The following DLG2 variants were observed in gnomAD, a reference collection of about 807,000 sequenced individuals.
DLG2 encodes the protein disks large homolog 2.
In DLG2, 45 loss-of-function variants were observed where a neutral mutation model predicts 132.5. The observed-to-expected ratio is 0.34, with a 90% CI of 0.27 to 0.44. The LOEUF (loss-of-function observed/expected upper bound fraction) is 0.44. Among genes scored for constraint, DLG2 ranks in the 20% least tolerant of loss-of-function variants. DLG2 has a pLI of 1.00. For missense variants in DLG2, 1,045 were observed against 1,196.9 expected (o/e 0.87, Z 1.87); for synonymous variants, 424 against 419.6 (o/e 1.01, Z -0.13).
chr11:85,512,682 C>A (rs2094101036), intron 3 of DLG2, among the ~76,000 whole-genome samples: 1 of 151,746 alleles, frequency 6.6e-6, no homozygotes, highest in Admixed American at 6.6e-5. Context: ...AATAAAAAGT[C>A]AAAAAATAAC....
intron 3 of DLG2, among the ~76,000 whole-genome samples, chr11:85,481,929 T>C (rs1376541621): frequency 1.3e-5 from 2 of 152,048 alleles, no homozygotes; most frequent in Non-Finnish European, 2.9e-5. Flanking sequence ...CAACACTATA[T>C]AGGATCCTGC....
intron 6 of DLG2, among the ~76,000 whole-genome samples, chr11:85,107,143 T>C (rs1488221268): frequency 6.6e-6 from 1 of 152,010 alleles, no homozygotes; most frequent in African/African-American, 2.4e-5. Context: ...TAGTATTATA[T>C]AGTGATAGAA....
At chr11:84,882,880 A>C (rs994844272) in intron 6 of DLG2, among the ~76,000 whole-genome samples, 1 of 152,096 alleles carries the variant, frequency 6.6e-6, no homozygotes, top group Non-Finnish European at 1.5e-5. Context: ...AGGATGACTA[A>C]ATCCACACTC....
chr11:84,020,847 T>C (rs1490638745), intron 11 of DLG2, among the ~76,000 whole-genome samples: 1 of 152,172 alleles, frequency 6.6e-6, no homozygotes, highest in Non-Finnish European at 1.5e-5. Flanking sequence ...CTTTCGGTTA[T>C]AAAATTTTCA....
intron 3 of DLG2, among the ~76,000 whole-genome samples, chr11:85,502,782 C>T (rs1039813120): frequency 1.3e-5 from 2 of 152,180 alleles, no homozygotes; most frequent in Admixed American, 6.5e-5. Context: ...CAAACCCGCA[C>T]ATTCTGCACA....
intron 18 of DLG2, chr11:83,682,344 A>C (rs1297942353): frequency 1.0e-6 from 1 of 985,238 alleles, no homozygotes; most frequent in Non-Finnish European, 1.2e-6. Flanking sequence ...AGATTCTCAT[A>C]TTTTACATCA....
Position 83,489,687 on chromosome 11 carries a change from A to G in DLG2, c.2194-5459T>C, listed in dbSNP as rs139864418. On this transcript the variant is annotated intron_variant, in intron 21 of 27. Transcript: ENST00000376104. ...ATTGCTTCAAATTAATATGGGAGGG[A>G]TGTAGTACTTATGTACCCCCTGAGT... Among the ~76,000 whole-genome samples, 75 of 151,274 alleles carry G rather than the reference A, an allele frequency of 5.0e-4. No individual in the cohort carries two copies. The East Asian group carries it at 0.014, about 28-fold the overall frequency.
At chr11:85,484,899 A>T (rs2093392159) in intron 3 of DLG2, among the ~76,000 whole-genome samples, 1 of 152,144 alleles carries the variant, frequency 6.6e-6, no homozygotes, top group Non-Finnish European at 1.5e-5. Context: ...AGACACATGC[A>T]CACATATGTT....
chr11:84,476,954 A>T (rs1460955469), intron 7 of DLG2, among the ~76,000 whole-genome samples: 1 of 152,108 alleles, frequency 6.6e-6, no homozygotes, highest in Admixed American at 6.6e-5. Flanking sequence ...GTTTTAATAC[A>T]CTAAGATTTG....
At chr11:85,405,906 C>T (rs1322633802) in intron 3 of DLG2, among the ~76,000 whole-genome samples, 2 of 151,868 alleles carry the variant, frequency 1.3e-5, no homozygotes, top group African/African-American at 4.8e-5. Flanking sequence ...AGAAGATATG[C>T]TTTAAAGTTA....
At chr11:83,884,659 C>A (rs568895768) in intron 15 of DLG2, among the ~76,000 whole-genome samples, 3 of 152,300 alleles carry the variant, frequency 2.0e-5, no homozygotes, top group African/African-American at 7.2e-5. Flanking sequence ...GGGTCCCTGA[C>A]CCCTGACTAC....
intron 6 of DLG2, among the ~76,000 whole-genome samples, chr11:84,761,616 T>A (rs1213324411): frequency 6.6e-6 from 1 of 152,214 alleles, no homozygotes; most frequent in Non-Finnish European, 1.5e-5. Flanking sequence ...CCATGTTGAA[T>A]GCTTCCTGAC....
chr11:84,519,862 C>T (rs573094473), intron 7 of DLG2, among the ~76,000 whole-genome samples: 1 of 152,274 alleles, frequency 6.6e-6, no homozygotes, highest in East Asian at 1.9e-4. Flanking sequence ...TCCATAGATG[C>T]CCTTCAAGTA....
intron 4 of DLG2, among the ~76,000 whole-genome samples, chr11:85,191,773 G>A (rs1040028274): frequency 1.1e-4 from 16 of 152,202 alleles, no homozygotes; most frequent in South Asian, 6.2e-4. Flanking sequence ...TTGATGGGCA[G>A]GCAGACATTC....
At chr11:83,658,872 T>C (rs144741082) in intron 18 of DLG2, among the ~76,000 whole-genome samples, 1 of 152,348 alleles carries the variant, frequency 6.6e-6, no homozygotes, top group East Asian at 1.9e-4. Flanking sequence ...TAGCAATTTA[T>C]CTCAGTTGTT....
intron 6 of DLG2, among the ~76,000 whole-genome samples, chr11:84,770,591 G>A (rs1042373420): frequency 2.0e-5 from 3 of 151,702 alleles, no homozygotes; most frequent in African/African-American, 7.3e-5. Flanking sequence ...AATTTGTGAA[G>A]GATAATGGCC....
intron 7 of DLG2, among the ~76,000 whole-genome samples, chr11:84,315,419 G>T (rs1345273696): frequency 6.6e-6 from 1 of 152,106 alleles, no homozygotes; most frequent in African/African-American, 2.4e-5. Flanking sequence ...ACAACCATAA[G>T]CTAGATGCTA....
chr11:85,440,799 G>A (rs2091739288), intron 3 of DLG2, among the ~76,000 whole-genome samples: 1 of 152,152 alleles, frequency 6.6e-6, no homozygotes, highest in Admixed American at 6.5e-5. Context: ...GTAGAGTGGA[G>A]ATTCCTGGCA....
chr11:85,168,828 T>A (rs2078642817), intron 4 of DLG2, among the ~76,000 whole-genome samples: 1 of 152,160 alleles, frequency 6.6e-6, no homozygotes, highest in Non-Finnish European at 1.5e-5. Flanking sequence ...TATGTCAATG[T>A]CTTCGTCATT....
Sources: allele counts gnomAD v4.1 joint callset (sites outside exome capture counted in the v4.1 genomes callset), GRCh38; gene constraint gnomAD v4.1.1; transcripts MANE v1.5; gene names NCBI Gene and HGNC (gene_info 2026-07-23, HGNC 2026-07-21).